LINGO2: variants seen among roughly 807,000 people sequenced by gnomAD.
LINGO2 encodes leucine-rich repeat and immunoglobulin-like domain-containing nogo receptor-interacting protein 2.
LINGO2 carries 14 observed loss-of-function variants against 30.6 expected under a neutral mutation model. The ratio of observed to expected loss-of-function variants is 0.46; its 90% confidence interval spans 0.30 to 0.72. The LOEUF (loss-of-function observed/expected upper bound fraction) is 0.72, where lower values mean the gene tolerates loss of function less well. Ranked by LOEUF, LINGO2 falls within the 30% of genes least tolerant of loss-of-function variation. The pLI is 0.07. For missense variants in LINGO2, 729 were observed against 751.7 expected, an observed-to-expected ratio of 0.97 and a Z score of 0.35; for synonymous variants, 317 against 288.5, an observed-to-expected ratio of 1.10 and a Z score of -1.00.
the LINGO2 span, among the ~76,000 whole-genome samples, chr9:28,869,797 T>C: frequency 6.6e-6 from 1 of 152,050 alleles, no homozygotes; most frequent in South Asian, 2.1e-4. Flanking sequence ...ACTCCCACTG[T>C]TGCACCTACT....
chr9:29,111,879 A>G, the LINGO2 span, among the ~76,000 whole-genome samples: 1 of 150,372 alleles, frequency 6.7e-6, no homozygotes, highest in Non-Finnish European at 1.5e-5. Context: ...GTGTGTATAT[A>G]TACATATATT....
At chr9:28,422,735 G>A (rs1266467916) in intron 2 of LINGO2, among the ~76,000 whole-genome samples, 1 of 152,052 alleles carries the variant, frequency 6.6e-6, no homozygotes, top group Middle Eastern at 3.2e-3. Flanking sequence ...GTTTATAGCA[G>A]TATTATTTAC....
At chr9:28,251,603 T>C (rs993918524) in intron 4 of LINGO2, among the ~76,000 whole-genome samples, 3 of 152,288 alleles carry the variant, frequency 2.0e-5, no homozygotes, top group Non-Finnish European at 4.4e-5. Context: ...TTGTCTGTGG[T>C]GGGCATCACA....
chr9:28,463,953 G>A (rs2135134200), intron 2 of LINGO2, among the ~76,000 whole-genome samples: 1 of 152,132 alleles, frequency 6.6e-6, no homozygotes, highest in South Asian at 2.1e-4. Flanking sequence ...TCATCTTAAT[G>A]TACTTCACAT....
intron 4 of LINGO2, among the ~76,000 whole-genome samples, chr9:28,231,520 C>T (rs1187294867): frequency 6.6e-6 from 1 of 151,860 alleles, no homozygotes; most frequent in Non-Finnish European, 1.5e-5. Context: ...TTAACTTCTA[C>T]AATTAAAAAG....
chr9:28,375,089 AACACACACACACACACACACACAC>A (rs137914726), intron 2 of LINGO2, among the ~76,000 whole-genome samples: 15 of 141,826 alleles, frequency 1.1e-4, no homozygotes, highest in African/African-American at 3.5e-4. Flanking sequence ...CACACCCCTT[AACACACACACACACACACACACAC>A]ACACACACAC....
At chr9:28,973,260 A>C in the LINGO2 span, among the ~76,000 whole-genome samples, 3 of 152,184 alleles carry the variant, frequency 2.0e-5, no homozygotes, top group Admixed American at 2.0e-4. Flanking sequence ...AAGATCAAGG[A>C]TAAAGAAAAG....
chr9:28,704,574 T>G, the LINGO2 span, among the ~76,000 whole-genome samples: 13 of 152,170 alleles, frequency 8.5e-5, no homozygotes, highest in African/African-American at 3.1e-4. Flanking sequence ...CCACAGTTCT[T>G]GGGTATTCTG....
chr9:28,188,347 T>C (rs996366110), intron 4 of LINGO2, among the ~76,000 whole-genome samples: 4 of 152,186 alleles, frequency 2.6e-5, no homozygotes, highest in African/African-American at 9.6e-5. Context: ...ATTGTTTTCT[T>C]CTTTCAGATG....
chr9:28,772,506 C>T, the LINGO2 span, among the ~76,000 whole-genome samples: 1 of 152,084 alleles, frequency 6.6e-6, no homozygotes, highest in Non-Finnish European at 1.5e-5. Flanking sequence ...AAAATGAGAC[C>T]CCAGCTTAGC....
chr9:28,478,094 A>C (rs1825797705), intron 1 of LINGO2, among the ~76,000 whole-genome samples: 1 of 152,074 alleles, frequency 6.6e-6, no homozygotes, highest in South Asian at 2.1e-4. Context: ...GCCATGTTTT[A>C]ATTTATCTGT....
chr9:28,659,089 T>C (rs1828481734), intron 1 of LINGO2, among the ~76,000 whole-genome samples: 1 of 152,112 alleles, frequency 6.6e-6, no homozygotes, highest in Admixed American at 6.6e-5. Context: ...AAAGATTAAA[T>C]AAAACTTAAT....
At chr9:28,498,041 G>A (rs1819715748) in intron 1 of LINGO2, among the ~76,000 whole-genome samples, 2 of 152,124 alleles carry the variant, frequency 1.3e-5, no homozygotes, top group South Asian at 4.1e-4. Flanking sequence ...AGGGGTACCT[G>A]GCCATGTGAG....
At chr9:28,987,826 T>C in the LINGO2 span, among the ~76,000 whole-genome samples, 1 of 152,200 alleles carries the variant, frequency 6.6e-6, no homozygotes, top group African/African-American at 2.4e-5. Flanking sequence ...TTAATTTCCA[T>C]GTATTTATGG....
At chr9:28,060,167 G>T (rs1825098162) in intron 4 of LINGO2, among the ~76,000 whole-genome samples, 2 of 152,102 alleles carry the variant, frequency 1.3e-5, no homozygotes, top group Admixed American at 6.6e-5. Context: ...ACCAAAAGTG[G>T]ATACGTAATT....
the LINGO2 span, among the ~76,000 whole-genome samples, chr9:28,990,895 T>C: frequency 6.6e-6 from 1 of 151,944 alleles, no homozygotes; most frequent in Admixed American, 6.6e-5. Flanking sequence ...CAAAAGTAGA[T>C]AAAACCACAA....
At chr9:28,416,781 T>C (rs1822983781) in intron 2 of LINGO2, among the ~76,000 whole-genome samples, 1 of 152,202 alleles carries the variant, frequency 6.6e-6, no homozygotes, top group Non-Finnish European at 1.5e-5. Context: ...AAGACGCTTT[T>C]ATTAGGTTAT....
At chr9:28,210,194 A>C (rs1409633866) in intron 4 of LINGO2, among the ~76,000 whole-genome samples, 1 of 151,700 alleles carries the variant, frequency 6.6e-6, no homozygotes, top group African/African-American at 2.4e-5. Context: ...AGGTGGCTAC[A>C]GCTCTAGCCA....
At chr9:28,738,126 C>T in the LINGO2 span, among the ~76,000 whole-genome samples, 1 of 151,988 alleles carries the variant, frequency 6.6e-6, no homozygotes, top group African/African-American at 2.4e-5. Flanking sequence ...ATTATAGTGT[C>T]CAGAGAGGAC....
Sources: allele counts gnomAD v4.1 joint callset (sites outside exome capture counted in the v4.1 genomes callset), GRCh38; gene constraint gnomAD v4.1.1; transcripts MANE v1.5; gene names NCBI Gene and HGNC (gene_info 2026-07-23, HGNC 2026-07-21).